HERC2: variants seen among roughly 807,000 people sequenced by gnomAD.
HERC2 encodes the protein HECT and RLD domain containing E3 ubiquitin protein ligase 2, also known as E3 ubiquitin-protein ligase HERC2.
In HERC2, 102 loss-of-function variants were observed where a neutral mutation model predicts 537.7. That is an observed-to-expected ratio of 0.19 (90% CI 0.16 to 0.22). HERC2 has a LOEUF of 0.22. Ranked by LOEUF, HERC2 falls within the 10% of genes least tolerant of loss-of-function variation. HERC2 has a pLI of 1.00. For missense variants in HERC2, 4,236 were observed against 6,198.2 expected (o/e 0.68, Z 10.63); for synonymous variants, 2,224 against 2,466.2 (o/e 0.90, Z 2.91).
chr15:28,262,843 A>G, intron 15 of HERC2, 75 bp downstream of exon 15: 1 of 1,461,982 alleles, frequency 6.8e-7, no homozygotes, highest in Non-Finnish European at 9.3e-7. Context: ...GGTTAAGAAC[A>G]TAAAACCTGC....
intron 86 of HERC2, among the ~76,000 whole-genome samples, chr15:28,119,257 T>A (rs1465470437): frequency 4.6e-5 from 7 of 151,748 alleles, no homozygotes; most frequent in African/African-American, 1.5e-4. Flanking sequence ...AAAATTAGCC[T>A]GGCATGGTGG....
intron 4 of HERC2, among the ~76,000 whole-genome samples, chr15:28,292,397 G>T (rs921857920): frequency 6.6e-6 from 1 of 152,148 alleles, no homozygotes; most frequent in Non-Finnish European, 1.5e-5. Flanking sequence ...CACAAATTAG[G>T]ATGGCTATCA....
intron 90 of HERC2, 21 bp downstream of exon 90, chr15:28,114,591 C>G: frequency 6.2e-7 from 1 of 1,608,064 alleles, no homozygotes; most frequent in Non-Finnish European, 8.5e-7. Context: ...GTCAATGCAA[C>G]AGAGACGGAT....
At chr15:28,281,770 G>A (rs72714151) in intron 4 of HERC2, among the ~76,000 whole-genome samples, 1 of 152,312 alleles carries the variant, frequency 6.6e-6, no homozygotes, top group Non-Finnish European at 1.5e-5. Flanking sequence ...GTAAAGCAGT[G>A]CCCCTGCCCT....
intron 69 of HERC2, among the ~76,000 whole-genome samples, chr15:28,155,122 T>C: frequency 6.6e-6 from 1 of 152,132 alleles, no homozygotes; most frequent in East Asian, 1.9e-4. Flanking sequence ...TGCATAGTAT[T>C]CCATGGTGTA....
chr15:28,139,405 T>G (rs946410343), intron 78 of HERC2, among the ~76,000 whole-genome samples: 1 of 152,050 alleles, frequency 6.6e-6, no homozygotes, highest in Admixed American at 6.6e-5. Context: ...AAGGGCTGAG[T>G]GAGGGGAGGC....
At chr15:28,169,778 G>T in intron 65 of HERC2, 123 bp from the exon 66 acceptor site, 1 of 839,068 alleles carries the variant, frequency 1.2e-6, no homozygotes, top group Non-Finnish European at 1.8e-6. Flanking sequence ...ATTTCACAAA[G>T]CACCTATCAG....
chr15:28,152,627 T>A (rs1240968632), intron 70 of HERC2, 50 bp downstream of exon 70: 1 of 1,462,128 alleles, frequency 6.8e-7, no homozygotes, highest in South Asian at 1.4e-5. Flanking sequence ...AATCACATCA[T>A]TCTGAAGGTG....
intron 2 of HERC2, among the ~76,000 whole-genome samples, chr15:28,303,591 C>T (rs902672501): frequency 1.4e-4 from 22 of 151,842 alleles, no homozygotes; most frequent in African/African-American, 5.3e-4. Flanking sequence ...TGAAGAATGT[C>T]ATTGGTATTT....
Position 28,213,691 on chromosome 15 carries a change from T to C in HERC2, c.6786+51A>G, listed in dbSNP as rs372974834. Reference sequence around the variant, plus strand: ...TGCTGATGCTGGTGCTCGGTTCTAGTGTAAAGTCAATTTCCCTTATCATGC... The same window carrying C: ...TGCTGATGCTGGTGCTCGGTTCTAGCGTAAAGTCAATTTCCCTTATCATGC... On this transcript the variant is annotated intron_variant, in intron 42 of 92. Transcript: ENST00000261609. The C allele has an allele frequency of 9.9e-6, 16 of 1,612,294 alleles. No homozygotes were observed. The African/African-American group carries it at 1.6e-4, about 16-fold the overall frequency.
Position 28,228,226 on chromosome 15 carries a change from C to T in HERC2, c.5456G>A (p.Arg1819His), listed in dbSNP as rs1375821429. The T allele has an allele frequency of 1.4e-5, 23 of 1,613,292 alleles. No homozygotes were observed. Among genetic ancestry groups the T allele is most frequent in the Admixed American group, 3.3e-5 (2 of 60,006 alleles). The change falls in exon 35 of 93, where the codon CGC (arginine) becomes CAC (histidine). Residue 1819 changes from arginine (R) to histidine (H), a missense_variant. Coordinates refer to ENST00000261609, the MANE Select transcript of HERC2 (RefSeq NM_004667.6). ...GMLALTQTAL[R>H]LIGPSCDNVE... Reference sequence around the variant, plus strand: ...AGCGGGTGCAGACCTACCAATCAGGCGCAGTGCCGTCTGCGTGAGGGCCAG... The same window carrying T: ...AGCGGGTGCAGACCTACCAATCAGGTGCAGTGCCGTCTGCGTGAGGGCCAG...
intron 2 of HERC2, among the ~76,000 whole-genome samples, chr15:28,300,384 TTAATA>T (rs960265326): frequency 6.7e-6 from 1 of 149,258 alleles, no homozygotes; most frequent in Non-Finnish European, 1.5e-5. Flanking sequence ...CTACATATCA[TTAATA>T]TAATATACTA....
At chr15:28,226,831 C>T (rs1479655743) in intron 35 of HERC2, among the ~76,000 whole-genome samples, 1 of 152,112 alleles carries the variant, frequency 6.6e-6, no homozygotes, top group African/African-American at 2.4e-5. Flanking sequence ...AAATGATATA[C>T]CTGATAAAGG....
chr15:28,293,977 C>T (rs1320189837), intron 3 of HERC2, among the ~76,000 whole-genome samples: 6 of 152,220 alleles, frequency 3.9e-5, no homozygotes, highest in African/African-American at 1.4e-4. Context: ...GACTAAATGT[C>T]TAACAACATA....
rs1313091580 is a variant in HERC2, at chr15:28,176,502, T to A, written c.9612A>T (p.Gly3204=). 1 of 1,614,126 alleles carries A rather than the reference T, an allele frequency of 6.2e-7. No individual in the cohort carries two copies. Among genetic ancestry groups the A allele is most frequent in the South Asian group, 1.1e-5 (1 of 91,082 alleles). The change falls in exon 63 of 93, where the codon GGA becomes GGT. Residue 3204 remains glycine (G), a synonymous_variant. Coordinates refer to ENST00000261609, the MANE Select transcript of HERC2 (RefSeq NM_004667.6). The surrounding 1 kb of genome is among the most constrained non-coding windows in gnomAD (Gnocchi z 5.0). ...CACACTCAATCTGGCACACCCCCTG[T>A]CCATTTAGTCTCTCAATGTTCTGGG... The part of the protein sequence containing the change: ...NIPQNIERLN[G]QGVCQIECGA...
At chr15:28,313,798 A>G (rs1164022721) in intron 2 of HERC2, among the ~76,000 whole-genome samples, 1 of 152,186 alleles carries the variant, frequency 6.6e-6, no homozygotes, top group Non-Finnish European at 1.5e-5. Flanking sequence ...TAGAAGCAGT[A>G]AGATAGTGAG....
At position 28,113,491 on chromosome 15, in the gene HERC2, C is replaced by T. The variant is rs918976563; in HGVS notation, c.14019+82G>A. The T allele has an allele frequency of 2.5e-5, 32 of 1,273,612 alleles. 2 individuals are homozygous for T. The Admixed American group carries it at 5.2e-4, about 21-fold the overall frequency. 78.9% of individuals were successfully genotyped at this position (1,273,612 alleles called of 1,614,324 possible). On this transcript the variant is annotated intron_variant, in intron 91 of 92. Transcript: ENST00000261609. This position sits in a 1 kb window ranked among gnomAD's most constrained non-coding sequence, Gnocchi z 7.0. ...TTCAGTCAACACACAGGGCAAGGTT[C>T]TGACTCTAACTGCTGTCACTGATTT...
chr15:28,187,269 G>C (rs1896395875), intron 55 of HERC2, among the ~76,000 whole-genome samples: 1 of 151,942 alleles, frequency 6.6e-6, no homozygotes, highest in Non-Finnish European at 1.5e-5. Context: ...AAAAATTCTA[G>C]GCATTATGCT....
At position 28,214,763 on chromosome 15, in the gene HERC2, A is replaced by G; in HGVS notation, c.6250T>C (p.Trp2084Arg). 1 of 1,611,874 alleles carries G rather than the reference A, an allele frequency of 6.2e-7. No homozygotes were observed. The change falls in exon 40 of 93, where the codon TGG (tryptophan) becomes CGG (arginine). Residue 2084 changes from tryptophan to arginine, a missense_variant. Around this residue, in one of 27 missense-constraint regions of HERC2, gnomAD observed 365 missense variants for 468.8 expected, o/e 0.78. Coordinates refer to ENST00000261609, the MANE Select transcript of HERC2 (RefSeq NM_004667.6). The part of the protein sequence containing the change: ...VHLLQAVLPS[W>R]DKTERARDMK... The stretch of plus-strand genomic sequence containing the variant: ...TCCCTCGCCCTTTCGGTCTTGTCCC[A>G]TGATGGAAGGACTGCTTGCAACAAA...
Sources: gnomAD v4.1 joint callset for allele counts (sites outside exome capture counted in the v4.1 genomes callset) on GRCh38, gnomAD v4.1.1 for gene constraint, gnomAD v4.1.1 regional missense constraint, Gnocchi (gnomAD v3.1) non-coding constraint, MANE v1.5 for transcripts, NCBI Gene and HGNC (gene_info 2026-07-23, HGNC 2026-07-21) for gene names.